Variants in KCNMB3 observed in about 807,000 individuals in gnomAD.
KCNMB3 encodes the protein calcium-activated potassium channel subunit beta-3.
A neutral mutation model predicts 11.9 loss-of-function variants in KCNMB3; 18 were observed. The observed-to-expected ratio is 1.51, with a 90% CI of 1.04 to 2.23. The LOEUF (loss-of-function observed/expected upper bound fraction) is 2.23. Among genes scored for constraint, KCNMB3 ranks in the 30% most tolerant of loss-of-function variants. The pLI is 0.00. For missense variants in KCNMB3, 247 were observed against 329.4 expected, an observed-to-expected ratio of 0.75 and a Z score of 1.94; for synonymous variants, 78 against 119.2, an observed-to-expected ratio of 0.65 and a Z score of 2.25.
chr3:179,248,756 A>T (rs2108444096), intron 1 of KCNMB3, among the ~76,000 whole-genome samples: 1 of 151,832 alleles, frequency 6.6e-6, no homozygotes, highest in African/African-American at 2.4e-5. Context: ...CTTAACTACT[A>T]ATAGCCTACT....
At chr3:179,264,720 A>T (rs1726320515) in intron 1 of KCNMB3, among the ~76,000 whole-genome samples, 1 of 152,184 alleles carries the variant, frequency 6.6e-6, no homozygotes, top group Non-Finnish European at 1.5e-5. Flanking sequence ...CTTTTGCAAG[A>T]AGTATTCCTT....
chr3:179,240,128 T>A (rs1450727510), downstream of KCNMB3: 2 of 1,097,052 alleles, frequency 1.8e-6, no homozygotes, highest in East Asian at 2.6e-5. Flanking sequence ...GTGTACTACA[T>A]AAGCAAAAAA....
chr3:179,257,785 T>C (rs1726062112), intron 1 of KCNMB3, among the ~76,000 whole-genome samples: 1 of 152,196 alleles, frequency 6.6e-6, no homozygotes, highest in African/African-American at 2.4e-5. Context: ...CAATCATAGC[T>C]CACTGCAGCC....
At chr3:179,259,448 T>C (rs1271230554) in intron 1 of KCNMB3, 1 of 1,612,578 alleles carries the variant, frequency 6.2e-7, no homozygotes, top group African/African-American at 1.3e-5. Flanking sequence ...CCTCCTCAGC[T>C]GCTGTTTTTA....
Position 179,266,913 on chromosome 3 carries a change from C to G in KCNMB3, c.-203G>C, listed in dbSNP as rs1225191701. ...GGCTAGCCACGTGGTTCTGCAGACT[C>G]CTGGCAAGGCGGAGCGGTCAGTTCT... is the stretch of plus-strand genomic sequence containing the variant. On this transcript the variant is annotated 5_prime_UTR_variant, in exon 1 of 4. Transcript: ENST00000349697. The G allele has an allele frequency of 5.0e-6, 7 of 1,413,124 alleles. No homozygotes were observed. The African/African-American group carries it at 8.6e-5, about 17-fold the overall frequency. 87.5% of individuals were successfully genotyped at this position (1,413,124 alleles called of 1,614,324 possible).
At chr3:179,259,714 T>A in intron 1 of KCNMB3, 1 of 1,591,798 alleles carries the variant, frequency 6.3e-7, no homozygotes, top group Non-Finnish European at 8.5e-7. Flanking sequence ...GATTTTTTCC[T>A]CTTCTTTTTC....
chr3:179,248,661 G>A (rs868162882), intron 1 of KCNMB3, among the ~76,000 whole-genome samples: 21 of 148,786 alleles, frequency 1.4e-4, no homozygotes, highest in Middle Eastern at 3.6e-3. Flanking sequence ...CCAGGAGGTC[G>A]AAGCTGCAGT....
At chr3:179,253,669 G>A (rs969628220), upstream of KCNMB3, among the ~76,000 whole-genome samples, 9 of 152,168 alleles carry the variant, frequency 5.9e-5, no homozygotes, top group South Asian at 1.2e-3. Flanking sequence ...AGCCAGGCAC[G>A]GTGGCATGCG....
intron 1 of KCNMB3, among the ~76,000 whole-genome samples, chr3:179,263,395 C>T (rs1031481871): frequency 3.3e-5 from 5 of 152,248 alleles, no homozygotes; most frequent in Admixed American, 3.3e-4. Context: ...CTCTCCCTCC[C>T]CACCTCCCTG....
At chr3:179,242,562 A>G (rs752551979), downstream of KCNMB3, 7 of 190,072 alleles carry the variant, frequency 3.7e-5, no homozygotes, top group Admixed American at 1.1e-4. Flanking sequence ...TTCAGTGTTC[A>G]GTAGATTAGA....
chr3:179,261,189 C>G (rs1413612841), intron 1 of KCNMB3: 17 of 1,343,328 alleles, frequency 1.3e-5, no homozygotes, highest in Non-Finnish European at 1.6e-5. Context: ...TCCCGTTTTG[C>G]GGCGAGCCGG....
At chr3:179,260,562 C>T in intron 1 of KCNMB3, 1 of 1,581,430 alleles carries the variant, frequency 6.3e-7, no homozygotes, top group Non-Finnish European at 8.6e-7. Context: ...CCTAGGGTCC[C>T]ATCCCCTGTC....
upstream of KCNMB3, among the ~76,000 whole-genome samples, chr3:179,256,128 A>G (rs1183334590): frequency 6.6e-6 from 1 of 152,210 alleles, no homozygotes; most frequent in Non-Finnish European, 1.5e-5. Flanking sequence ...ACAGAAGTAA[A>G]CAGGTAAGTA....
chr3:179,259,840 G>A (rs1407063014), intron 1 of KCNMB3: 2 of 1,610,366 alleles, frequency 1.2e-6, no homozygotes, highest in Middle Eastern at 3.3e-4. Flanking sequence ...ACTGTACTTG[G>A]ACCTGTCGCC....
chr3:179,264,962 T>C lies in KCNMB3; in HGVS notation c.62+1687A>G, dbSNP rs537865653. Reference sequence around the variant, plus strand: ...AATAAGGTTAAGTCAACATAGTTCATCAAGTTCAGCAAGAGGAAATAGCAA... The same window carrying C: ...AATAAGGTTAAGTCAACATAGTTCACCAAGTTCAGCAAGAGGAAATAGCAA... On this transcript the variant is annotated intron_variant, in intron 1 of 3. Transcript: ENST00000349697. 3.3e-5 allele frequency among the ~76,000 whole-genome samples: 5 copies of C among 152,336 alleles called. No individual in the cohort carries two copies. In the East Asian group the frequency reaches 9.6e-4, roughly 29 times the overall value.
At chr3:179,249,007 CTTTT>C (rs1169837939) in intron 1 of KCNMB3, among the ~76,000 whole-genome samples, 1 of 89,874 alleles carries the variant, frequency 1.1e-5, no homozygotes, top group African/African-American at 4.7e-5. Flanking sequence ...GACCCCGTCT[CTTTT>C]TTTTTTTTTT....
At chr3:179,245,431 C>T (rs1725602527) in intron 1 of KCNMB3, among the ~76,000 whole-genome samples, 1 of 152,034 alleles carries the variant, frequency 6.6e-6, no homozygotes, top group Non-Finnish European at 1.5e-5. Flanking sequence ...ATATCCAATT[C>T]ATCCGTATGT....
At chr3:179,259,414 C>G in intron 1 of KCNMB3, 4 of 1,597,366 alleles carry the variant, frequency 2.5e-6, no homozygotes, top group Non-Finnish European at 2.6e-6. Context: ...TCCTCAAAAT[C>G]TAATGTGTCT....
intron 1 of KCNMB3, among the ~76,000 whole-genome samples, chr3:179,246,765 T>C (rs920192564): frequency 4.6e-5 from 7 of 152,256 alleles, no homozygotes; most frequent in African/African-American, 1.7e-4. Flanking sequence ...CTCTAAATCT[T>C]GACCGAGTAC....
Sources: allele counts gnomAD v4.1 joint callset (sites outside exome capture counted in the v4.1 genomes callset), GRCh38; gene constraint gnomAD v4.1.1; transcripts MANE v1.5; gene names NCBI Gene and HGNC (gene_info 2026-07-23, HGNC 2026-07-21).